PLPP1: variants seen among roughly 807,000 people sequenced by gnomAD.
PLPP1 encodes lipid phosphate phosphohydrolase 1a.
PLPP1 carries 24 observed loss-of-function variants against 31.2 expected under a neutral mutation model. That is an observed-to-expected ratio of 0.77 (90% CI 0.56 to 1.08). PLPP1 has a LOEUF of 1.08. PLPP1 is among the 50% of genes least tolerant of loss of function. The probability of loss-of-function intolerance (pLI) is 0.00; values close to 1 mark genes in which losing one functional copy is unlikely to be tolerated. For synonymous variants in PLPP1, 146 were observed against 126.3 expected (o/e 1.16, Z -1.05); for missense variants, 319 against 342.7 (o/e 0.93, Z 0.55).
At chr5:55,517,627 G>A (rs1418391047) in intron 1 of PLPP1, among the ~76,000 whole-genome samples, 3 of 152,132 alleles carry the variant, frequency 2.0e-5, no homozygotes, top group African/African-American at 7.2e-5. Context: ...CCAACCTAAA[G>A]AGCAAATTCC....
chr5:55,479,381 C>T (rs1752625902), intron 1 of PLPP1, among the ~76,000 whole-genome samples: 1 of 152,196 alleles, frequency 6.6e-6, no homozygotes, highest in Admixed American at 6.6e-5. Context: ...CACTAACTAT[C>T]TAAACCTAAA....
At chr5:55,446,019 G>A (rs1751757762) in intron 3 of PLPP1, among the ~76,000 whole-genome samples, 1 of 152,040 alleles carries the variant, frequency 6.6e-6, no homozygotes, top group Non-Finnish European at 1.5e-5. Flanking sequence ...CTCTGTAACT[G>A]CTTCCTCTCC....
In PLPP1 at chr5:55,425,287, T is replaced by C. The variant is rs773483683; in HGVS notation, c.774A>G (p.Glu258=). The change falls in exon 6 of 6, where the codon GAA becomes GAG. Residue 258 remains glutamate (E), a synonymous_variant. Coordinates refer to ENST00000307259, the MANE Select transcript of PLPP1 (RefSeq NM_003711.4). ...TTGTATGAGAGTCCTCCTCTTTTCT[T>C]TCTTTAAAAGAAGTTCTTTCTTTGA... ...DFFKERTSFK[E]RKEEDSHTTL... 1.2e-6 allele frequency: 2 copies of C among 1,611,252 alleles called. No homozygotes were observed. Among genetic ancestry groups the C allele is most frequent in the Non-Finnish European group, 1.7e-6 (2 of 1,177,578 alleles).
At chr5:55,524,165 T>C (rs1753731809) in intron 1 of PLPP1, among the ~76,000 whole-genome samples, 2 of 152,218 alleles carry the variant, frequency 1.3e-5, no homozygotes, top group Non-Finnish European at 2.9e-5. Flanking sequence ...AGAGTTTAGA[T>C]GCAGCAGTGT....
intron 3 of PLPP1, among the ~76,000 whole-genome samples, chr5:55,463,052 G>A (rs1274542808): frequency 2.0e-5 from 3 of 152,066 alleles, no homozygotes; most frequent in African/African-American, 7.2e-5. Context: ...GCATGAAGCT[G>A]GAAACCATCA....
chr5:55,462,753 C>G (rs1752193545), intron 3 of PLPP1, among the ~76,000 whole-genome samples: 1 of 152,052 alleles, frequency 6.6e-6, no homozygotes, highest in South Asian at 2.1e-4. Context: ...GTGGGCGGAT[C>G]ACGAGGTAAG....
intron 3 of PLPP1, among the ~76,000 whole-genome samples, chr5:55,459,758 A>G (rs906180366): frequency 6.6e-6 from 1 of 152,056 alleles, no homozygotes; most frequent in East Asian, 1.9e-4. Flanking sequence ...GTCCATTTAC[A>G]TGCAGATTTT....
At chr5:55,518,422 GTGC>G (rs1753597419) in intron 1 of PLPP1, among the ~76,000 whole-genome samples, 1 of 151,720 alleles carries the variant, frequency 6.6e-6, no homozygotes, top group Non-Finnish European at 1.5e-5. Flanking sequence ...GCCTCCCAAA[GTGC>G]TGGGGTTACA....
intron 3 of PLPP1, among the ~76,000 whole-genome samples, chr5:55,461,099 G>T (rs1752145283): frequency 6.6e-6 from 1 of 152,144 alleles, no homozygotes; most frequent in Non-Finnish European, 1.5e-5. Flanking sequence ...GGGAAGCTAA[G>T]GTGGGAAGAT....
intron 5 of PLPP1, 76 bp from the exon 6 acceptor site, chr5:55,425,410 C>A: frequency 7.5e-7 from 1 of 1,326,138 alleles, no homozygotes; most frequent in Admixed American, 2.3e-5. Flanking sequence ...CAACAGCATC[C>A]TAAGATAAAT....
intron 1 of PLPP1, among the ~76,000 whole-genome samples, chr5:55,484,044 G>A (rs1257301599): frequency 6.6e-6 from 1 of 152,116 alleles, no homozygotes; most frequent in African/African-American, 2.4e-5. Flanking sequence ...AACCAGCTGT[G>A]AACCCTCTTC....
At chr5:55,435,068 T>C (rs1352231429) in intron 4 of PLPP1, among the ~76,000 whole-genome samples, 6 of 152,120 alleles carry the variant, frequency 3.9e-5, no homozygotes, top group South Asian at 2.1e-4. Context: ...AATACTCCCA[T>C]TGAAAAGTGG....
rs1279168770 is a variant in PLPP1, at chr5:55,468,106, T to C, written c.254A>G (p.His85Arg). 1.2e-6 allele frequency: 2 copies of C among 1,611,856 alleles called. No individual in the cohort carries two copies. The highest frequency in any genetic ancestry group is 1.7e-6 in the Non-Finnish European group (2 of 1,178,802). Residue 85 changes from histidine to arginine, a missense_variant, in exon 3 of 6, where the codon CAC becomes CGC. By Grantham distance (29) the His-to-Arg change is conservative. Transcript: ENST00000307259. ...ETLSVYCNLL[H>R]SNSFIRNNYI... ...GTTATTCCTGATAAAGGAATTTGAG[T>C]GCAAAAGGTTACAGTAAACAGACAG... is the stretch of plus-strand genomic sequence containing the variant.
At chr5:55,472,628 G>A in intron 2 of PLPP1, among the ~76,000 whole-genome samples, 1 of 136,184 alleles carries the variant, frequency 7.3e-6, no homozygotes, top group African/African-American at 2.7e-5. Context: ...ACAAAGGAAA[G>A]AAAGAGACAG....
Position 55,486,354 on chromosome 5 carries a change from G to A in PLPP1, c.59-10904C>T, listed in dbSNP as rs182280585. ...AATCTCAGCACTTTGGGAGGCCGAG[G>A]TGGGTGGATTGCTTGAGGTCAGGAG... is the stretch of plus-strand genomic sequence containing the variant. On this transcript the variant is annotated intron_variant, in intron 1 of 5. Transcript: ENST00000307259. Among the ~76,000 whole-genome samples, 286 of 152,276 alleles carry A rather than the reference G, an allele frequency of 1.9e-3. 1 individual carries two copies. Among genetic ancestry groups the A allele is most frequent in the Non-Finnish European group, 1.6e-3 (109 of 68,028 alleles).
intron 4 of PLPP1, among the ~76,000 whole-genome samples, chr5:55,435,904 CT>C (rs1473268619): frequency 1.3e-5 from 2 of 151,372 alleles, no homozygotes; most frequent in Non-Finnish European, 2.9e-5. Context: ...GTCCCAGCTA[CT>C]TGGGAGGCTG....
chr5:55,444,084 CTT>C (rs11374794), intron 3 of PLPP1, among the ~76,000 whole-genome samples: 22 of 140,468 alleles, frequency 1.6e-4, no homozygotes, highest in East Asian at 2.0e-4. Flanking sequence ...AGCCCAAATG[CTT>C]TTTTTTTTTT....
At chr5:55,455,310 G>A (rs530108656) in intron 3 of PLPP1, among the ~76,000 whole-genome samples, 117 of 152,264 alleles carry the variant, frequency 7.7e-4, no homozygotes, top group South Asian at 1.5e-3. Flanking sequence ...AGCTAGGCCG[G>A]GCACGGCACA....
chr5:55,478,341 C>T (rs10066754), intron 1 of PLPP1, among the ~76,000 whole-genome samples: 18,478 of 152,076 alleles, frequency 0.12, 1,177 homozygotes, highest in Middle Eastern at 0.16. Context: ...CAAGGAATTC[C>T]GCTAGGTGCT....
Sources: gnomAD v4.1 joint callset for allele counts (sites outside exome capture counted in the v4.1 genomes callset) on GRCh38, gnomAD v4.1.1 for gene constraint, MANE v1.5 for transcripts, NCBI Gene and HGNC (gene_info 2026-07-23, HGNC 2026-07-21) for gene names.